The following RASGRF2 variants were observed in gnomAD, a reference collection of about 807,000 sequenced individuals.
The protein encoded by RASGRF2 is Ras protein specific guanine nucleotide releasing factor 2.
In RASGRF2, 76 loss-of-function variants were observed where a neutral mutation model predicts 151.0. The ratio of observed to expected loss-of-function variants is 0.50; its 90% confidence interval spans 0.42 to 0.61. The LOEUF (loss-of-function observed/expected upper bound fraction) is 0.61. Among genes scored for constraint, RASGRF2 ranks in the 20% least tolerant of loss-of-function variants. RASGRF2 has a pLI of 0.00. For missense variants in RASGRF2, 1,148 were observed against 1,564.6 expected (o/e 0.73, Z 4.49); for synonymous variants, 504 against 566.5 (o/e 0.89, Z 1.57).
rs114628076 is a variant in RASGRF2, at chr5:81,044,806, G to A, written c.395+1823G>A. ...AATGTTCAATATTGTACTTATCTTCGTTATCCTCTTTATCACTACAGTCTT... is the reference window on the plus strand; with the variant it reads ...AATGTTCAATATTGTACTTATCTTCATTATCCTCTTTATCACTACAGTCTT... On this transcript the variant is annotated intron_variant, in intron 2 of 26. Coordinates refer to ENST00000265080, the MANE Select transcript of RASGRF2 (RefSeq NM_006909.3). Among the ~76,000 whole-genome samples, 594 of 151,992 alleles carry A rather than the reference G, an allele frequency of 3.9e-3. 5 individuals are homozygous for A. The highest frequency in any genetic ancestry group is 0.014 in the African/African-American group (578 of 41,418).
At chr5:81,151,807 A>C (rs369844) in intron 17 of RASGRF2, among the ~76,000 whole-genome samples, 2 of 152,098 alleles carry the variant, frequency 1.3e-5, no homozygotes, top group East Asian at 3.9e-4. Flanking sequence ...ACACTCAGCT[A>C]TATTGGTGCT....
intron 1 of RASGRF2, among the ~76,000 whole-genome samples, chr5:81,022,163 G>C (rs1159726612): frequency 6.6e-6 from 1 of 152,202 alleles, no homozygotes; most frequent in Non-Finnish European, 1.5e-5. Context: ...AGCTGCAGGA[G>C]AGTGGGTTGA....
rs1341259173 is a variant in RASGRF2, at chr5:81,225,849, C to T, written c.*79C>T. On this transcript the variant is annotated 3_prime_UTR_variant, in exon 27 of 27. Transcript: ENST00000265080. ...AGAATTGTGTATGCCTTGCCTATCA[C>T]GGTACAGCACGAAGCCAGGCTCCTT... 17 of 1,429,944 alleles carry T rather than the reference C, an allele frequency of 1.2e-5. No homozygotes were observed. Among genetic ancestry groups the T allele is most frequent in the Middle Eastern group, 1.8e-4 (1 of 5,596 alleles). 88.6% of individuals were successfully genotyped at this position (1,429,944 alleles called of 1,614,324 possible).
At chr5:81,211,059 G>C (rs940282616) in intron 22 of RASGRF2, among the ~76,000 whole-genome samples, 1 of 151,270 alleles carries the variant, frequency 6.6e-6, no homozygotes, top group Non-Finnish European at 1.5e-5. Context: ...TGAGAGGATC[G>C]CTTGAGCCCT....
intron 1 of RASGRF2, chr5:80,997,943 T>C (rs538465346): frequency 7.2e-6 from 1 of 138,458 alleles, no homozygotes; most frequent in Non-Finnish European, 1.5e-5. Flanking sequence ...CACTCCAGCC[T>C]GGGAGACAGA....
chr5:81,041,887 C>G (rs1476141020), intron 1 of RASGRF2, among the ~76,000 whole-genome samples: 1 of 152,198 alleles, frequency 6.6e-6, no homozygotes, highest in African/African-American at 2.4e-5. Flanking sequence ...CTGGAAACCC[C>G]TGATCTGTTC....
rs767500926 is a variant in RASGRF2, at chr5:81,123,759, A to T, written c.2588A>T (p.Gln863Leu). The change falls in exon 16 of 27, where the codon CAG becomes CTG. Residue 863 changes from glutamine (Q) to leucine (L), a missense_variant. Transcript: ENST00000265080. ...PSTPRHLRYR[Q>L]PGGQTADNAH... ...ACTCCTCGGCACCTCCGCTATCGAC[A>T]GCCTGGAGGTAAGAGCTCAAGAGGG... 6 of 1,613,692 alleles carry T rather than the reference A, an allele frequency of 3.7e-6. No homozygotes were observed. In the South Asian group the frequency reaches 5.5e-5, roughly 15 times the overall value.
chr5:81,126,656 T>C (rs904860958), intron 16 of RASGRF2, among the ~76,000 whole-genome samples: 2 of 152,188 alleles, frequency 1.3e-5, no homozygotes, highest in African/African-American at 4.8e-5. Context: ...GGGAATCATA[T>C]AATATGTGAC....
chr5:81,128,769 A>G (rs1291166182), intron 17 of RASGRF2, among the ~76,000 whole-genome samples: 1 of 152,252 alleles, frequency 6.6e-6, no homozygotes, highest in African/African-American at 2.4e-5. Context: ...CAGTATTTTA[A>G]TAGATAAAAA....
chr5:81,108,565 T>G (rs1428016287), intron 12 of RASGRF2, among the ~76,000 whole-genome samples: 1 of 152,178 alleles, frequency 6.6e-6, no homozygotes, highest in Non-Finnish European at 1.5e-5. Flanking sequence ...AAGCCACTAT[T>G]TCCAATCTGA....
intron 1 of RASGRF2, among the ~76,000 whole-genome samples, chr5:81,015,183 A>T (rs1314253469): frequency 1.3e-5 from 2 of 152,148 alleles, no homozygotes; most frequent in Non-Finnish European, 2.9e-5. Context: ...CCAACTCTAG[A>T]TTTTATTATT....
intron 17 of RASGRF2, among the ~76,000 whole-genome samples, chr5:81,173,042 T>C (rs1754693814): frequency 6.6e-6 from 1 of 152,144 alleles, no homozygotes; most frequent in Non-Finnish European, 1.5e-5. Flanking sequence ...GGATTTTCTG[T>C]ACCTTGAAAA....
At chr5:81,055,943 G>T (rs1162062347) in intron 2 of RASGRF2, among the ~76,000 whole-genome samples, 1 of 152,078 alleles carries the variant, frequency 6.6e-6, no homozygotes, top group African/African-American at 2.4e-5. Flanking sequence ...ATTCTCTGGT[G>T]GTAGTTTGTA....
At chr5:80,974,826 T>C (rs544369228) in intron 1 of RASGRF2, among the ~76,000 whole-genome samples, 24 of 152,290 alleles carry the variant, frequency 1.6e-4, no homozygotes, top group Non-Finnish European at 2.9e-4. Flanking sequence ...ATGCTGGACA[T>C]TGGGTGTGAA....
chr5:81,105,864 C>G (rs1359021888), intron 12 of RASGRF2, among the ~76,000 whole-genome samples: 1 of 152,190 alleles, frequency 6.6e-6, no homozygotes, highest in African/African-American at 2.4e-5. Context: ...GTTTTGTCCC[C>G]ATCAGGATTA....
At chr5:81,195,789 A>C (rs1755251816) in intron 18 of RASGRF2, among the ~76,000 whole-genome samples, 1 of 152,150 alleles carries the variant, frequency 6.6e-6, no homozygotes, top group Admixed American at 6.5e-5. Context: ...AGTATAAAGG[A>C]CTACGAAGGA....
At chr5:80,994,482 T>C (rs146682539) in intron 1 of RASGRF2, among the ~76,000 whole-genome samples, 1 of 152,290 alleles carries the variant, frequency 6.6e-6, no homozygotes, top group African/African-American at 2.4e-5. Flanking sequence ...CAAGTCTTTG[T>C]TGTCCTAGTC....
intron 7 of RASGRF2, among the ~76,000 whole-genome samples, chr5:81,081,954 A>C (rs1169045346): frequency 6.6e-6 from 1 of 152,212 alleles, no homozygotes; most frequent in African/African-American, 2.4e-5. Context: ...AGACTTTTAA[A>C]ACAACTATCT....
rs1237749468 is a variant in RASGRF2 at position 81,201,333 on chromosome 5, T to G, written c.2797T>G (p.Phe933Val). ...AAAGATTCATTTTATTTTACAGGAT[T>G]TCGAACTCAACAATGAACTAAAGAT... ...RHWVSKHAQD[F>V]ELNNELKMNV... The change falls in exon 19 of 27, where the codon TTC becomes GTC. Residue 933 changes from phenylalanine to valine, a missense_variant. Transcript: ENST00000265080. 6.2e-7 allele frequency: 1 copy of G among 1,610,378 alleles called. No individual in the cohort carries two copies. Among genetic ancestry groups the G allele is most frequent in the Non-Finnish European group, 8.5e-7 (1 of 1,178,738 alleles).
Sources: gnomAD v4.1 joint callset for allele counts (sites outside exome capture counted in the v4.1 genomes callset) on GRCh38, gnomAD v4.1.1 for gene constraint, MANE v1.5 for transcripts, NCBI Gene and HGNC (gene_info 2026-07-23, HGNC 2026-07-21) for gene names.